Variants in ACBD6 observed in about 807,000 individuals in gnomAD.
ACBD6 encodes acyl-CoA binding domain containing 6.
In ACBD6, 28 loss-of-function variants were observed where a neutral mutation model predicts 37.2. That is an observed-to-expected ratio of 0.75 (90% confidence interval 0.56 to 1.03). The LOEUF is 1.03. Ranked by LOEUF, ACBD6 falls within the 50% of genes least tolerant of loss-of-function variation. The probability of loss-of-function intolerance (pLI) is 0.00; values close to 1 mark genes in which losing one functional copy is unlikely to be tolerated. For synonymous variants in ACBD6, 113 were observed against 126.8 expected (o/e 0.89, Z 0.73); for missense variants, 340 against 337.4 (o/e 1.01, Z -0.06).
rs377487880 is a variant in ACBD6 at position 180,292,042 on chromosome 1, C to T, written c.695-3525G>A. On this transcript the variant is annotated intron_variant, in intron 7 of 7. Transcript: ENST00000367595. ...CTATCATGTTCCTTTGATCTATATA[C>T]CTATTCTTATACCAATACAACATTG... 3.3e-5 allele frequency among the ~76,000 whole-genome samples: 5 copies of T among 152,214 alleles called. No individual in the cohort carries two copies. The South Asian group carries it at 1.0e-3, about 32-fold the overall frequency.
intron 6 of ACBD6, among the ~76,000 whole-genome samples, chr1:180,375,419 G>A (rs147863710): frequency 4.5e-4 from 68 of 152,204 alleles, no homozygotes; most frequent in African/African-American, 1.6e-3. Context: ...TCGATCTCCT[G>A]GGCTCAGGTG....
At chr1:180,364,550 CAT>C (rs1652972036) in intron 6 of ACBD6, among the ~76,000 whole-genome samples, 1 of 152,082 alleles carries the variant, frequency 6.6e-6, no homozygotes, top group African/African-American at 2.4e-5. Flanking sequence ...GGTAAGCAGA[CAT>C]AGATTTAACA....
At chr1:180,344,231 T>C (rs1373946783) in intron 6 of ACBD6, among the ~76,000 whole-genome samples, 2 of 152,112 alleles carry the variant, frequency 1.3e-5, no homozygotes, top group Non-Finnish European at 1.5e-5. Context: ...GTAGCAACAG[T>C]AGCAGGCAGC....
intron 3 of ACBD6, among the ~76,000 whole-genome samples, chr1:180,469,909 CATAT>C (rs2102055451): frequency 6.6e-6 from 1 of 152,242 alleles, no homozygotes; most frequent in South Asian, 2.1e-4. Flanking sequence ...TTGTTTTCTA[CATAT>C]ATAATTTCAA....
In ACBD6 at chr1:180,502,337, G is replaced by C; in HGVS notation, c.-71C>G. On this transcript the variant is annotated 5_prime_UTR_variant, in exon 1 of 8. Transcript: ENST00000367595. ...GGATTGGGTGTAAGGCCGGCTTGGA[G>C]GCCTGGCCCACCAGTCTGGGTCGCG... The C allele has an allele frequency of 6.5e-7, 1 of 1,544,222 alleles. No individual in the cohort carries two copies. Among genetic ancestry groups the C allele is most frequent in the Non-Finnish European group, 8.9e-7 (1 of 1,129,418 alleles).
At chr1:180,335,635 T>C (rs1651681582) in intron 6 of ACBD6, among the ~76,000 whole-genome samples, 1 of 151,490 alleles carries the variant, frequency 6.6e-6, no homozygotes, top group Non-Finnish European at 1.5e-5. Context: ...AACATCATAA[T>C]GACAGGATCA....
At chr1:180,441,995 G>A (rs372597525) in intron 3 of ACBD6, among the ~76,000 whole-genome samples, 3 of 152,118 alleles carry the variant, frequency 2.0e-5, no homozygotes, top group African/African-American at 7.2e-5. Flanking sequence ...TACCCATTAT[G>A]TTAAGTAAAG....
intron 6 of ACBD6, among the ~76,000 whole-genome samples, chr1:180,348,520 C>CA (rs1323077882): frequency 2.0e-5 from 3 of 152,110 alleles, no homozygotes; most frequent in African/African-American, 7.2e-5. Flanking sequence ...GAGGTTGTGA[C>CA]AGGAAGCAAG....
intron 5 of ACBD6, among the ~76,000 whole-genome samples, chr1:180,406,380 C>T (rs1407175465): frequency 6.6e-6 from 1 of 152,128 alleles, no homozygotes; most frequent in East Asian, 1.9e-4. Context: ...GATTTTGGAT[C>T]ATTCCAGATT....
chr1:180,317,955 T>C (rs979998868), intron 6 of ACBD6, among the ~76,000 whole-genome samples: 1 of 152,112 alleles, frequency 6.6e-6, no homozygotes, highest in Non-Finnish European at 1.5e-5. Context: ...GGTGGGCGGA[T>C]TGCCTGAGCT....
At chr1:180,495,747 ATTATC>A (rs1651709149) in intron 1 of ACBD6, among the ~76,000 whole-genome samples, 1 of 152,206 alleles carries the variant, frequency 6.6e-6, no homozygotes, top group Non-Finnish European at 1.5e-5. Context: ...TAAAACAACT[ATTATC>A]TAATACTGTA....
chr1:180,300,221 T>C (rs1413909926), intron 7 of ACBD6, among the ~76,000 whole-genome samples: 4 of 152,198 alleles, frequency 2.6e-5, no homozygotes, highest in South Asian at 4.1e-4. Flanking sequence ...ACGATACTTA[T>C]AGTTTTAGGA....
In ACBD6 at chr1:180,383,425, C is replaced by T. The variant is rs143926472; in HGVS notation, c.663+14091G>A. ...CTAGCTGAGAAAGAAATCAAGAAGG[C>T]AATCCCATTTACAATAGCTATAAAA... On this transcript the variant is annotated intron_variant, in intron 6 of 7. Coordinates refer to ENST00000367595, the MANE Select transcript of ACBD6 (RefSeq NM_032360.4). Among the ~76,000 whole-genome samples the T allele has an allele frequency of 1.1e-4, 16 of 152,078 alleles. No homozygotes were observed. In the East Asian group the frequency reaches 2.1e-3, roughly 20 times the overall value.
At chr1:180,433,651 A>G (rs1237190180) in intron 3 of ACBD6, among the ~76,000 whole-genome samples, 1 of 151,814 alleles carries the variant, frequency 6.6e-6, no homozygotes, top group African/African-American at 2.4e-5. Flanking sequence ...GAGAGTGCGC[A>G]CAAAAGAGAT....
At chr1:180,348,973 A>G (rs761235107) in intron 6 of ACBD6, among the ~76,000 whole-genome samples, 4 of 152,180 alleles carry the variant, frequency 2.6e-5, no homozygotes, top group Non-Finnish European at 5.9e-5. Flanking sequence ...TCAAAAATAT[A>G]ACAGAATATT....
chr1:180,362,277 CA>C (rs908436640), intron 6 of ACBD6, among the ~76,000 whole-genome samples: 8 of 152,182 alleles, frequency 5.3e-5, no homozygotes, highest in Middle Eastern at 3.2e-3. Flanking sequence ...TTTTAGCTCA[CA>C]ACAGGGCCAG....
intron 6 of ACBD6, among the ~76,000 whole-genome samples, chr1:180,387,050 G>A (rs138120705): frequency 1.5e-3 from 233 of 152,206 alleles, no homozygotes; most frequent in African/African-American, 5.4e-3. Flanking sequence ...GGTTTCTTGT[G>A]CAGCTCCTGA....
chr1:180,314,767 C>T (rs1247482425), intron 6 of ACBD6, 45 bp from the exon 7 acceptor site: 3 of 1,402,494 alleles, frequency 2.1e-6, no homozygotes, highest in African/African-American at 2.8e-5. Context: ...TAAGTAATTG[C>T]AAAAGTATGA....
At chr1:180,357,671 T>C (rs1652680725) in intron 6 of ACBD6, among the ~76,000 whole-genome samples, 1 of 152,186 alleles carries the variant, frequency 6.6e-6, no homozygotes, top group Admixed American at 6.5e-5. Flanking sequence ...CCAGCACACA[T>C]CAAGACAGGT....
Sources: gnomAD v4.1 joint callset for allele counts (sites outside exome capture counted in the v4.1 genomes callset) on GRCh38, gnomAD v4.1.1 for gene constraint, MANE v1.5 for transcripts, NCBI Gene and HGNC (gene_info 2026-07-23, HGNC 2026-07-21) for gene names.